USP12: variants seen among roughly 807,000 people sequenced by gnomAD.
USP12 encodes ubiquitin carboxyl-terminal hydrolase 12.
USP12 carries 19 observed loss-of-function variants against 45.5 expected under a neutral mutation model. That is an observed-to-expected ratio of 0.42 (90% CI 0.29 to 0.61). The LOEUF (loss-of-function observed/expected upper bound fraction) is 0.61, where lower values mean the gene tolerates loss of function less well. Ranked by LOEUF, USP12 falls within the 20% of genes least tolerant of loss-of-function variation. The pLI is 0.22. For missense variants in USP12, 242 were observed against 447.7 expected (o/e 0.54, Z 4.15); for synonymous variants, 149 against 148.8 (o/e 1.00, Z -0.01).
chr13:27,107,792 T>C (rs1022614470), intron 2 of USP12, among the ~76,000 whole-genome samples: 4 of 152,156 alleles, frequency 2.6e-5, no homozygotes, highest in African/African-American at 7.2e-5. Flanking sequence ...ATGCTCATCA[T>C]CACTGGCCAT....
chr13:27,090,554 A>T lies in USP12; in HGVS notation c.574-396T>A, dbSNP rs117769179. On this transcript the variant is annotated intron_variant, in intron 4 of 8. Transcript: ENST00000282344. ...ATATCTGTATTGTCATTAAAAAAAA[A>T]ATTTAGCCCAAAATGTTAAATTACA... 5.7e-3 allele frequency among the ~76,000 whole-genome samples: 872 copies of T among 152,324 alleles called. 7 individuals carry two copies. Among genetic ancestry groups the T allele is most frequent in the Non-Finnish European group, 8.6e-3 (584 of 68,026 alleles).
chr13:27,143,774 T>G (rs1012858159), intron 1 of USP12, among the ~76,000 whole-genome samples: 2 of 152,238 alleles, frequency 1.3e-5, no homozygotes, highest in African/African-American at 4.8e-5. Context: ...CGCAGTCTAA[T>G]CAAGCCTTTA....
intron 1 of USP12, among the ~76,000 whole-genome samples, chr13:27,148,765 TAAAA>T (rs1463554062): frequency 8.7e-6 from 1 of 114,760 alleles, no homozygotes; most frequent in Non-Finnish European, 1.8e-5. Context: ...TCAATTGAAT[TAAAA>T]AACCAGAATC....
chr13:27,144,738 T>G (rs1327908915), intron 1 of USP12, among the ~76,000 whole-genome samples: 1 of 136,666 alleles, frequency 7.3e-6, no homozygotes, highest in African/African-American at 2.7e-5. Flanking sequence ...GGAAGTTTTG[T>G]TTTTTGTTGT....
At chr13:27,085,803 T>TA (rs1873983181) in intron 6 of USP12, among the ~76,000 whole-genome samples, 2 of 152,002 alleles carry the variant, frequency 1.3e-5, no homozygotes, top group Non-Finnish European at 1.5e-5. Context: ...TATAACAGTG[T>TA]AAAAAATCTA....
chr13:27,076,141 A>G (rs565949067), intron 6 of USP12, among the ~76,000 whole-genome samples: 1 of 152,212 alleles, frequency 6.6e-6, no homozygotes, highest in South Asian at 2.1e-4. Flanking sequence ...TATATGATGC[A>G]GGTACAGACT....
intron 1 of USP12, among the ~76,000 whole-genome samples, chr13:27,132,605 T>C (rs1057212292): frequency 2.0e-5 from 3 of 152,200 alleles, no homozygotes; most frequent in African/African-American, 4.8e-5. Flanking sequence ...AGTGTAAGTA[T>C]CTCAAGAGGG....
Position 27,095,760 on chromosome 13 carries a change from A to T in USP12, c.414T>A (p.Asp138Glu). The change falls in exon 4 of 9, where the codon GAT (aspartate) becomes GAA (glutamate). Residue 138 changes from aspartate to glutamate, a missense_variant. By Grantham distance (45) the Asp-to-Glu change is conservative. This residue lies in a region of USP12 where 77 missense variants were observed against 153.7 expected (regional missense o/e 0.50). Coordinates refer to ENST00000282344, the MANE Select transcript of USP12 (RefSeq NM_182488.4). ...FLNYLLNTIA[D>E]ILQEERKQEK... ...CCTGCTTTCTCTCTTCTTGTAAAAT[A>T]TCAGCAATTGTATTTAGTAGGTAAT... is the stretch of plus-strand genomic sequence containing the variant. 3.1e-6 allele frequency: 5 copies of T among 1,613,290 alleles called. No individual in the cohort carries two copies. Among genetic ancestry groups the T allele is most frequent in the Non-Finnish European group, 4.2e-6 (5 of 1,179,670 alleles).
At chr13:27,137,804 A>G (rs1307333201) in intron 1 of USP12, among the ~76,000 whole-genome samples, 2 of 152,220 alleles carry the variant, frequency 1.3e-5, no homozygotes, top group Admixed American at 6.5e-5. Flanking sequence ...ACTATGTGAC[A>G]TAATGTAAGA....
At chr13:27,124,533 A>G (rs559118223) in intron 1 of USP12, among the ~76,000 whole-genome samples, 1 of 152,346 alleles carries the variant, frequency 6.6e-6, no homozygotes, top group East Asian at 1.9e-4. Flanking sequence ...TTCCAGTTTC[A>G]TGTTTCAAGT....
At chr13:27,169,647 T>C (rs1280865708) in intron 1 of USP12, among the ~76,000 whole-genome samples, 2 of 152,176 alleles carry the variant, frequency 1.3e-5, no homozygotes, top group Non-Finnish European at 2.9e-5. Context: ...TAGAAAGAGC[T>C]TCTGATTTGA....
intron 2 of USP12, among the ~76,000 whole-genome samples, chr13:27,108,439 G>C (rs1875258835): frequency 6.6e-6 from 1 of 151,494 alleles, no homozygotes; most frequent in East Asian, 1.9e-4. Flanking sequence ...TGCTAAATGA[G>C]GAGTTAATGG....
chr13:27,145,347 T>C (rs910083753), intron 1 of USP12, among the ~76,000 whole-genome samples: 9 of 152,176 alleles, frequency 5.9e-5, no homozygotes, highest in Non-Finnish European at 8.8e-5. Context: ...AAACACACCT[T>C]ACCCATTTGG....
At chr13:27,158,674 C>G (rs1877953776) in intron 1 of USP12, among the ~76,000 whole-genome samples, 1 of 152,142 alleles carries the variant, frequency 6.6e-6, no homozygotes, top group African/African-American at 2.4e-5. Context: ...AGAAAAGGTA[C>G]AGTAACAATA....
At chr13:27,085,882 T>C (rs1216847581) in intron 6 of USP12, among the ~76,000 whole-genome samples, 1 of 152,030 alleles carries the variant, frequency 6.6e-6, no homozygotes, top group Non-Finnish European at 1.5e-5. Flanking sequence ...AAATATACTA[T>C]GCAGCAGGCG....
At chr13:27,105,692 T>C in intron 3 of USP12, 39 bp downstream of exon 3, 1 of 1,576,086 alleles carries the variant, frequency 6.3e-7, no homozygotes, top group Non-Finnish European at 8.7e-7. Flanking sequence ...ATATTTAACC[T>C]TCCTAGTATG....
At chr13:27,119,210 CAA>C (rs924206332) in intron 1 of USP12, among the ~76,000 whole-genome samples, 1 of 152,022 alleles carries the variant, frequency 6.6e-6, no homozygotes, top group Non-Finnish European at 1.5e-5. Flanking sequence ...TAAGAAATGA[CAA>C]GAGAAAAATC....
At chr13:27,098,341 G>A (rs1473717705) in intron 3 of USP12, among the ~76,000 whole-genome samples, 3 of 148,430 alleles carry the variant, frequency 2.0e-5, no homozygotes, top group African/African-American at 5.0e-5. Context: ...TCCAGACTAT[G>A]TAAAGGTTTA....
At chr13:27,164,107 T>C (rs1483428377) in intron 1 of USP12, among the ~76,000 whole-genome samples, 3 of 150,718 alleles carry the variant, frequency 2.0e-5, no homozygotes, top group Non-Finnish European at 4.4e-5. Flanking sequence ...AAAAAATCAC[T>C]AGCATCAGGT....
Sources: gnomAD v4.1 joint callset for allele counts (sites outside exome capture counted in the v4.1 genomes callset) on GRCh38, gnomAD v4.1.1 for gene constraint, gnomAD v4.1.1 regional missense constraint, MANE v1.5 for transcripts, NCBI Gene and HGNC (gene_info 2026-07-23, HGNC 2026-07-21) for gene names.